SEC23A: variants seen among roughly 807,000 people sequenced by gnomAD.
SEC23A encodes protein transport protein Sec23A.
SEC23A carries 56 observed loss-of-function variants against 103.7 expected under a neutral mutation model. That is an observed-to-expected ratio of 0.54 (90% confidence interval 0.44 to 0.67). The LOEUF (loss-of-function observed/expected upper bound fraction) is 0.67, where lower values mean the gene tolerates loss of function less well. Ranked by LOEUF, SEC23A falls within the 30% of genes least tolerant of loss-of-function variation. The pLI is 0.00. For synonymous variants in SEC23A, 281 were observed against 293.0 expected (o/e 0.96, Z 0.42); for missense variants, 784 against 936.4 (o/e 0.84, Z 2.12).
In SEC23A at chr14:39,039,103, A is replaced by C; in HGVS notation, c.2143-7T>G. The C allele has an allele frequency of 1.2e-6, 2 of 1,611,736 alleles. No individual in the cohort carries two copies. Among genetic ancestry groups the C allele is most frequent in the Non-Finnish European group, 1.7e-6 (2 of 1,177,962 alleles). On this transcript the variant is annotated splice_polypyrimidine_tract_variant and splice_region_variant and intron_variant, in intron 18 of 19. Transcript: ENST00000307712. Reference sequence around the variant, plus strand: ...TTGAAAGGAGGAAACGGGCCTTAAAAGCAAAGAAGAAATAACATTATCCAT... The same window carrying C: ...TTGAAAGGAGGAAACGGGCCTTAAACGCAAAGAAGAAATAACATTATCCAT...
Position 39,035,126 on chromosome 14 carries a change from A to C in SEC23A, c.2209-1798T>G, listed in dbSNP as rs560488249. Among the ~76,000 whole-genome samples, 13 of 152,276 alleles carry C rather than the reference A, an allele frequency of 8.5e-5. No individual in the cohort carries two copies. The South Asian group carries it at 2.5e-3, about 29-fold the overall frequency. On this transcript the variant is annotated intron_variant, in intron 19 of 19. Coordinates refer to ENST00000307712, the MANE Select transcript of SEC23A (RefSeq NM_006364.4). ...TACATGATCTTGCATAAAATACTTA[A>C]TCTATATGAGCCTCAATTTCCTCTC...
At chr14:39,102,673 C>A (rs2139312433) in intron 1 of SEC23A, among the ~76,000 whole-genome samples, 1 of 151,738 alleles carries the variant, frequency 6.6e-6, no homozygotes, top group Non-Finnish European at 1.5e-5. Flanking sequence ...TAGGACACTC[C>A]ATATCTGGCA....
At chr14:39,048,517 C>G in intron 15 of SEC23A, 135 bp downstream of exon 15, 1 of 643,450 alleles carries the variant, frequency 1.6e-6, no homozygotes, top group Non-Finnish European at 2.8e-6. Context: ...AGGAGGCTGA[C>G]TAAGCCCCGG....
Position 39,063,333 on chromosome 14 carries a change from A to C in SEC23A, c.1389T>G (p.Val463=). ...ATGTAGAAAGTCATACCTGATTGAC[A>C]ACCTCAAAATATATGGCTAAGGTTG... ...PTTTLAIYFE[V]VNQHNAPIPQ... The change falls in exon 12 of 20, where the codon GTT becomes GTG. Residue 463 remains valine (V), a synonymous_variant. Coordinates refer to ENST00000307712, the MANE Select transcript of SEC23A (RefSeq NM_006364.4). The C allele has an allele frequency of 6.2e-7, 1 of 1,603,040 alleles. No individual in the cohort carries two copies. The highest frequency in any genetic ancestry group is 8.5e-7 in the Non-Finnish European group (1 of 1,170,078).
intron 1 of SEC23A, among the ~76,000 whole-genome samples, chr14:39,102,803 T>C (rs1888160016): frequency 6.6e-6 from 1 of 152,140 alleles, no homozygotes; most frequent in Admixed American, 6.5e-5. Context: ...TTCCACATCT[T>C]TCCACCTAAT....
intron 9 of SEC23A, among the ~76,000 whole-genome samples, chr14:39,073,328 T>C (rs551405788): frequency 1.3e-5 from 2 of 152,346 alleles, no homozygotes; most frequent in African/African-American, 4.8e-5. Flanking sequence ...TCTCACTCTG[T>C]GGCCCAGGCT....
chr14:39,098,324 T>C (rs564227573), intron 1 of SEC23A, among the ~76,000 whole-genome samples: 43 of 152,234 alleles, frequency 2.8e-4, no homozygotes, highest in Non-Finnish European at 5.6e-4. Flanking sequence ...ACAGCTTCCA[T>C]GTTACTGATG....
At chr14:39,060,521 T>A (rs1422009262) in intron 13 of SEC23A, among the ~76,000 whole-genome samples, 2 of 152,174 alleles carry the variant, frequency 1.3e-5, no homozygotes, top group Non-Finnish European at 2.9e-5. Flanking sequence ...TGATCAACAC[T>A]TTTCCTATCC....
chr14:39,034,880 G>C (rs1885410805), intron 19 of SEC23A, among the ~76,000 whole-genome samples: 2 of 152,162 alleles, frequency 1.3e-5, no homozygotes, highest in African/African-American at 2.4e-5. Flanking sequence ...CAGAAGTGTT[G>C]CAGTGGTGCC....
intron 1 of SEC23A, among the ~76,000 whole-genome samples, chr14:39,098,228 A>C (rs1887958866): frequency 6.6e-6 from 1 of 152,184 alleles, no homozygotes; most frequent in Admixed American, 6.6e-5. Context: ...AGAAGATGTC[A>C]AACTCCACCG....
At chr14:39,060,330 G>A (rs866235412) in intron 13 of SEC23A, among the ~76,000 whole-genome samples, 1 of 152,162 alleles carries the variant, frequency 6.6e-6, no homozygotes, top group African/African-American at 2.4e-5. Context: ...CCTGTGCTAA[G>A]TAATAGATCA....
chr14:39,096,094 G>A lies in SEC23A; in HGVS notation c.25C>T (p.Gln9Ter), dbSNP rs1392909032. The A allele has an allele frequency of 6.2e-7, 1 of 1,613,032 alleles. No homozygotes were observed. Among genetic ancestry groups the A allele is most frequent in the South Asian group, 1.1e-5 (1 of 91,054 alleles). ...ACTCCATCTCGTTCTTCATTTTGTT[G>A]AATGAATTCCAAATAGGTTGTCATT... MTTYLEFI[Q>*]QNEERDGVRF... The change falls in exon 2 of 20, where the codon CAA (glutamine) becomes TAA (stop). Residue 9 changes from glutamine to a stop codon, truncating the protein, a stop_gained. Transcript: ENST00000307712. LOFTEE classifies it high-confidence loss of function.
At chr14:39,083,725 G>C (rs1167228472) in intron 7 of SEC23A, among the ~76,000 whole-genome samples, 3 of 151,628 alleles carry the variant, frequency 2.0e-5, no homozygotes, top group Non-Finnish European at 4.4e-5. Context: ...ACCACACCTG[G>C]CTAATTTTTT....
chr14:39,085,687 TATACACACACAC>T lies in SEC23A; in HGVS notation c.828+63_828+74del, dbSNP rs1288639844. On this transcript the variant is annotated intron_variant, in intron 7 of 19. Transcript: ENST00000307712. ...GGTTCTTCTTATCCTTATAATTATATATACACACACACACACACACACACACACACACACACA... is the reference window on the plus strand; with the variant it reads ...GGTTCTTCTTATCCTTATAATTATATACACACACACACACACACACACACA... 1.4e-3 allele frequency: 1,691 copies of T among 1,179,340 alleles called. 10 individuals carry two copies. In the African/African-American group the frequency reaches 0.019, roughly 13 times the overall value. 73.1% of individuals were successfully genotyped at this position (1,179,340 alleles called of 1,614,324 possible).
In SEC23A at chr14:39,076,317, A is replaced by G. The variant is rs2273316; in HGVS notation, c.829-224T>C. ...ATTCCTAATTCTAAACTAATCTATG[A>G]GCCTAATCCCTATAAACATGGATAT... On this transcript the variant is annotated intron_variant, in intron 7 of 19. Transcript: ENST00000307712. Among the ~76,000 whole-genome samples, 22,352 of 152,114 alleles carry G rather than the reference A, an allele frequency of 0.15. 1,745 individuals are homozygous for G. Among genetic ancestry groups the G allele is most frequent in the African/African-American group, 0.19 (7,857 of 41,482 alleles).
chr14:39,039,939 CAT>C (rs1397516931), intron 18 of SEC23A: 1 of 152,158 alleles, frequency 6.6e-6, no homozygotes, highest in Non-Finnish European at 1.5e-5. Context: ...AAATAACTCT[CAT>C]ATAAATACAG....
intron 1 of SEC23A, among the ~76,000 whole-genome samples, 194 bp downstream of exon 1, chr14:39,102,838 C>A (rs1312984616): frequency 6.6e-6 from 1 of 152,308 alleles, no homozygotes; most frequent in East Asian, 1.9e-4. Flanking sequence ...GGAGGCCGGG[C>A]CCCCGGCCCC....
Position 39,040,865 on chromosome 14 carries a change from G to A in SEC23A, c.2009C>T (p.Ser670Leu). 6.2e-7 allele frequency: 1 copy of A among 1,614,062 alleles called. No homozygotes were observed. The highest frequency in any genetic ancestry group is 2.2e-5 in the East Asian group (1 of 44,878). The change falls in exon 18 of 20, where the codon TCA becomes TTA. Residue 670 changes from serine to leucine, a missense_variant. Around this residue, in one of 2 missense-constraint regions of SEC23A, gnomAD observed 101 missense variants for 162.2 expected, o/e 0.62. Transcript: ENST00000307712. The part of the protein sequence containing the change: ...HGETIAQWRK[S>L]GYQDMPEYEN... ...ATACTCAGGCATATCCTGGTATCCT[G>A]ACTTCCGCCACTGTGCTATGGTCTA...
intron 4 of SEC23A, among the ~76,000 whole-genome samples, chr14:39,091,995 T>C (rs971582027): frequency 1.3e-5 from 2 of 152,166 alleles, no homozygotes; most frequent in Admixed American, 6.5e-5. Context: ...TTAAAATAAT[T>C]AGTAAACCTG....
Sources: gnomAD v4.1 joint callset for allele counts (sites outside exome capture counted in the v4.1 genomes callset) on GRCh38, gnomAD v4.1.1 for gene constraint, gnomAD v4.1.1 regional missense constraint, MANE v1.5 for transcripts, NCBI Gene and HGNC (gene_info 2026-07-23, HGNC 2026-07-21) for gene names.